Variants in PCNX2 observed in about 807,000 individuals in gnomAD.
PCNX2 encodes pecanex-like protein 2.
In PCNX2, 168 loss-of-function variants were observed where a neutral mutation model predicts 223.8. The ratio of observed to expected loss-of-function variants is 0.75; its 90% confidence interval spans 0.66 to 0.85. PCNX2 has a LOEUF of 0.85. Ranked by LOEUF, PCNX2 falls within the 40% of genes least tolerant of loss-of-function variation. PCNX2 has a pLI of 0.00. For missense variants in PCNX2, 2,507 were observed against 2,675.5 expected (o/e 0.94, Z 1.39); for synonymous variants, 1,006 against 1,052.6 (o/e 0.96, Z 0.86).
chr1:233,049,386 A>T (rs761309195), intron 25 of PCNX2, among the ~76,000 whole-genome samples: 1 of 152,186 alleles, frequency 6.6e-6, no homozygotes, highest in Non-Finnish European at 1.5e-5. Context: ...AACAAAAACC[A>T]CATGATCATA....
chr1:233,309,679 A>G, the PCNX2 span, among the ~76,000 whole-genome samples: 1 of 152,020 alleles, frequency 6.6e-6, no homozygotes, highest in African/African-American at 2.4e-5. Context: ...GGAATTCAAG[A>G]CCAGCCTGGC....
At chr1:233,254,229 G>A (rs915591218) in intron 5 of PCNX2, among the ~76,000 whole-genome samples, 1 of 152,164 alleles carries the variant, frequency 6.6e-6, no homozygotes, top group Non-Finnish European at 1.5e-5. Context: ...ACTACCATAA[G>A]AATTTCCTTG....
Position 233,236,976 on chromosome 1 carries a change from T to C in PCNX2, c.2227A>G (p.Met743Val), listed in dbSNP as rs766787114. ...NNDCLSQARE[M>V]QVSSSSTTTS... ...GTGGTACTGGAGGAGCTGACCTGCATCTCTCTGAGGATGGGCAAAACAAAA... is the reference window on the plus strand; with the variant it reads ...GTGGTACTGGAGGAGCTGACCTGCACCTCTCTGAGGATGGGCAAAACAAAA... The change falls in exon 9 of 34, where the codon ATG (methionine) becomes GTG (valine). Residue 743 changes from methionine (M) to valine (V), a missense_variant. Coordinates refer to ENST00000258229, the MANE Select transcript of PCNX2 (RefSeq NM_014801.4). 1 of 1,613,886 alleles carries C rather than the reference T, an allele frequency of 6.2e-7. No homozygotes were observed. The highest frequency in any genetic ancestry group is 8.5e-7 in the Non-Finnish European group (1 of 1,179,842).
At chr1:233,055,481 G>A (rs1212067254) in intron 24 of PCNX2, among the ~76,000 whole-genome samples, 1 of 152,122 alleles carries the variant, frequency 6.6e-6, no homozygotes, top group Non-Finnish European at 1.5e-5. Context: ...CCTCCCTGCT[G>A]AGCCCTGACT....
chr1:233,121,851 A>G (rs1314914088), intron 21 of PCNX2, among the ~76,000 whole-genome samples: 2 of 152,252 alleles, frequency 1.3e-5, no homozygotes, highest in Non-Finnish European at 2.9e-5. Context: ...AGATATGTGT[A>G]TATACAGATG....
At chr1:233,030,551 CT>C (rs2102841777) in intron 25 of PCNX2, among the ~76,000 whole-genome samples, 1 of 152,266 alleles carries the variant, frequency 6.6e-6, no homozygotes, top group African/African-American at 2.4e-5. Context: ...GAGCCATGTT[CT>C]GTCAGGAAGT....
Position 233,250,787 on chromosome 1 carries a change from C to A in PCNX2, c.2174G>T (p.Gly725Val). ...CYLKSGNQKEGPLQPLPSNND... is the reference protein window; with the variant it reads ...CYLKSGNQKEVPLQPLPSNND... ...ATTTGATGGTAGAGGCTGTAAAGGG[C>A]CTTCTTTCTGATTTCCAGATTTTAA... Residue 725 changes from glycine to valine, a missense_variant, in exon 8 of 34, where the codon GGC (glycine) becomes GTC (valine). Physicochemically the swap from Gly to Val is moderately radical, Grantham distance 109. This residue lies in a region of PCNX2 where 1,031 missense variants were observed against 1,021.7 expected (regional missense o/e 1.01). Coordinates refer to ENST00000258229, the MANE Select transcript of PCNX2 (RefSeq NM_014801.4). 1 of 1,606,064 alleles carries A rather than the reference C, an allele frequency of 6.2e-7. No homozygotes were observed. Among genetic ancestry groups the A allele is most frequent in the Non-Finnish European group, 8.5e-7 (1 of 1,176,114 alleles).
chr1:233,166,320 T>C (rs1380071434), intron 17 of PCNX2, among the ~76,000 whole-genome samples: 2 of 152,138 alleles, frequency 1.3e-5, no homozygotes. Context: ...GAGGAAATCT[T>C]AATGATCCTG....
chr1:233,285,646 G>A (rs565707672), intron 1 of PCNX2, among the ~76,000 whole-genome samples: 1 of 152,316 alleles, frequency 6.6e-6, no homozygotes, highest in African/African-American at 2.4e-5. Flanking sequence ...CTGCACTCCA[G>A]CCTGGGCAAC....
intron 1 of PCNX2, among the ~76,000 whole-genome samples, chr1:233,277,170 G>C (rs1270342326): frequency 1.3e-5 from 2 of 152,170 alleles, no homozygotes; most frequent in Non-Finnish European, 2.9e-5. Flanking sequence ...AAAGAAGAAA[G>C]GAGTGGGATA....
intron 26 of PCNX2, among the ~76,000 whole-genome samples, chr1:233,018,197 GT>G (rs913698246): frequency 4.7e-4 from 68 of 143,996 alleles, no homozygotes; most frequent in South Asian, 1.6e-3. Context: ...TAATATTTTA[GT>G]TTTTTTTTTT....
Position 233,250,850 on chromosome 1 carries a change from T to C in PCNX2, c.2129-18A>G. On this transcript the variant is annotated intron_variant, in intron 7 of 33. Coordinates refer to ENST00000258229, the MANE Select transcript of PCNX2 (RefSeq NM_014801.4). ...AATTTCCCCTGTAAAATCAGAAAAT[T>C]TCAGCAAAGAATATGACATAATTAT... is the stretch of plus-strand genomic sequence containing the variant. 6.4e-7 allele frequency: 1 copy of C among 1,560,660 alleles called. No individual in the cohort carries two copies. The highest frequency in any genetic ancestry group is 8.7e-7 in the Non-Finnish European group (1 of 1,151,624).
At position 233,258,450 on chromosome 1, in the gene PCNX2, C is replaced by G. The variant is rs1481539108; in HGVS notation, c.1412G>C (p.Gly471Ala). ...GATGGCATTTCCCCCCTCCCCAGAT[C>G]CGTAGCCAGAACACTGATTGGTGGA... ...RVSTNQCSGY[G>A]SGEGGNAIKD... The change falls in exon 5 of 34, where the codon GGA (glycine) becomes GCA (alanine). Residue 471 changes from glycine (G) to alanine (A), a missense_variant. Around this residue, in one of 3 missense-constraint regions of PCNX2, gnomAD observed 1,031 missense variants for 1,021.7 expected, o/e 1.01. Transcript: ENST00000258229. 1.2e-6 allele frequency: 2 copies of G among 1,613,828 alleles called. No individual in the cohort carries two copies. The highest frequency in any genetic ancestry group is 4.5e-5 in the East Asian group (2 of 44,842).
chr1:233,061,718 GT>G (rs1008665144), intron 23 of PCNX2, among the ~76,000 whole-genome samples: 7 of 151,772 alleles, frequency 4.6e-5, no homozygotes, highest in Admixed American at 2.6e-4. Context: ...AGTTTTGTTG[GT>G]TTTTTTCTTT....
chr1:233,215,091 C>G (rs919163213), intron 12 of PCNX2, among the ~76,000 whole-genome samples: 2 of 152,086 alleles, frequency 1.3e-5, no homozygotes, highest in African/African-American at 4.8e-5. Context: ...TTTCACAGCC[C>G]CTTATGAATA....
At chr1:232,985,995 G>T in intron 33 of PCNX2, 97 bp downstream of exon 33, 3 of 1,323,786 alleles carry the variant, frequency 2.3e-6, no homozygotes, top group South Asian at 1.3e-5. Context: ...GGGTTCTGCA[G>T]GCAGAAGGGT....
chr1:233,159,761 T>C (rs1678356703), intron 19 of PCNX2, among the ~76,000 whole-genome samples: 2 of 152,158 alleles, frequency 1.3e-5, no homozygotes, highest in African/African-American at 2.4e-5. Flanking sequence ...GAGACACCCA[T>C]GGAAATTGCC....
intron 1 of PCNX2, among the ~76,000 whole-genome samples, chr1:233,293,142 T>A (rs1269021895): frequency 1.3e-5 from 2 of 152,196 alleles, no homozygotes; most frequent in African/African-American, 2.4e-5. Context: ...TACGTAGACA[T>A]CAAATCTTAA....
intron 22 of PCNX2, 146 bp from the exon 23 acceptor site, chr1:233,090,336 G>T: frequency 1.0e-6 from 1 of 971,094 alleles, no homozygotes; most frequent in Non-Finnish European, 1.5e-6. Context: ...TCTATGTATA[G>T]ATTTATAAAT....
Sources: gnomAD v4.1 joint callset for allele counts (sites outside exome capture counted in the v4.1 genomes callset) on GRCh38, gnomAD v4.1.1 for gene constraint, gnomAD v4.1.1 regional missense constraint, MANE v1.5 for transcripts, NCBI Gene and HGNC (gene_info 2026-07-23, HGNC 2026-07-21) for gene names.